Variants in DIP2C observed in about 807,000 individuals in gnomAD.
The protein encoded by DIP2C is DIP2 acetate--CoA ligase C (putative).
In DIP2C, 33 loss-of-function variants were observed where a neutral mutation model predicts 192.4. The observed-to-expected ratio is 0.17, with a 90% CI of 0.13 to 0.23. The LOEUF is 0.23. DIP2C is among the 10% of genes least tolerant of loss of function. DIP2C has a pLI of 1.00. For missense variants in DIP2C, 1,537 were observed against 2,110.1 expected (o/e 0.73, Z 5.32); for synonymous variants, 979 against 864.1 (o/e 1.13, Z -2.33).
chr10:601,579 C>G (rs1852076116), intron 1 of DIP2C, among the ~76,000 whole-genome samples: 1 of 152,230 alleles, frequency 6.6e-6, no homozygotes, highest in African/African-American at 2.4e-5. Flanking sequence ...GCCTGGAATG[C>G]AGACTTGTGG....
At position 407,691 on chromosome 10, in the gene DIP2C, C is replaced by G. The variant is rs142384719; in HGVS notation, c.1149+1235G>C. ...TTCCCTGATCAAGGATGCTGAGCATCTTTTCATGTGTTTATCGGCCACTGC... is the reference window on the plus strand; with the variant it reads ...TTCCCTGATCAAGGATGCTGAGCATGTTTTCATGTGTTTATCGGCCACTGC... On this transcript the variant is annotated intron_variant, in intron 9 of 36. Coordinates refer to ENST00000280886, the MANE Select transcript of DIP2C (RefSeq NM_014974.3). 5.2e-4 allele frequency among the ~76,000 whole-genome samples: 79 copies of G among 152,292 alleles called. 1 individual carries two copies. In the East Asian group the frequency reaches 0.01, roughly 20 times the overall value.
chr10:361,998 G>T (rs1243824863), intron 22 of DIP2C, among the ~76,000 whole-genome samples: 1 of 151,940 alleles, frequency 6.6e-6, no homozygotes, highest in African/African-American at 2.4e-5. Context: ...GAACAGCCGT[G>T]TGTGGGAGGG....
At chr10:516,134 C>T (rs1448564764) in intron 1 of DIP2C, among the ~76,000 whole-genome samples, 1 of 149,286 alleles carries the variant, frequency 6.7e-6, no homozygotes, top group Non-Finnish European at 1.5e-5. Context: ...TACCTTTGTC[C>T]TCCATCCTGT....
In DIP2C at chr10:643,237, G is replaced by A. The variant is rs556186200; in HGVS notation, c.85+46257C>T. ...CGTCTCAAAAAAAAAAAAACAGGCC[G>A]GGCACGGTGGCTCAGGCCTGTAATC... On this transcript the variant is annotated intron_variant, in intron 1 of 36. Coordinates refer to ENST00000280886, the MANE Select transcript of DIP2C (RefSeq NM_014974.3). 1.9e-3 allele frequency among the ~76,000 whole-genome samples: 277 copies of A among 142,064 alleles called. 2 individuals carry two copies. The highest frequency in any genetic ancestry group is 9.4e-3 in the Middle Eastern group (2 of 212). The allele number at this position is 142,064 out of a possible 152,430, so 93.2% of individuals were successfully genotyped here.
chr10:547,785 C>T (rs1317066483), intron 1 of DIP2C, among the ~76,000 whole-genome samples: 3 of 152,146 alleles, frequency 2.0e-5, no homozygotes, highest in Non-Finnish European at 2.9e-5. Context: ...ATCTCAGTCA[C>T]GTCCCCTCTC....
chr10:485,157 C>A (rs993550683), intron 2 of DIP2C, among the ~76,000 whole-genome samples: 2 of 152,234 alleles, frequency 1.3e-5, no homozygotes, highest in Non-Finnish European at 2.9e-5. Context: ...AAGCGAGGAA[C>A]CGCTTCTGTT....
intron 1 of DIP2C, among the ~76,000 whole-genome samples, chr10:548,212 C>A (rs1040168391): frequency 1.7e-5 from 2 of 115,592 alleles, no homozygotes; most frequent in South Asian, 4.2e-4. Flanking sequence ...TGCCCCACCC[C>A]CCCCCCCACA....
chr10:598,496 G>A (rs866296996), intron 1 of DIP2C, among the ~76,000 whole-genome samples: 2 of 152,124 alleles, frequency 1.3e-5, no homozygotes, highest in Non-Finnish European at 1.5e-5. Flanking sequence ...CCGAGGCCTC[G>A]CGACAGGGGT....
At chr10:560,454 G>T (rs1033439469) in intron 1 of DIP2C, among the ~76,000 whole-genome samples, 1 of 152,172 alleles carries the variant, frequency 6.6e-6, no homozygotes, top group African/African-American at 2.4e-5. Context: ...GTCACTTAAT[G>T]TATCAGCACA....
chr10:419,983 T>G (rs775155851), intron 5 of DIP2C, among the ~76,000 whole-genome samples: 8 of 152,218 alleles, frequency 5.3e-5, no homozygotes, highest in Non-Finnish European at 1.2e-4. Context: ...AGCAGCCCAC[T>G]GATGACGCCC....
At chr10:338,573 GGT>G (rs1472835800) in intron 29 of DIP2C, among the ~76,000 whole-genome samples, 1 of 152,114 alleles carries the variant, frequency 6.6e-6, no homozygotes, top group Non-Finnish European at 1.5e-5. Flanking sequence ...CTGCGGACTG[GGT>G]GTGTCAGGCT....
chr10:549,118 A>C (rs914817820), intron 1 of DIP2C, among the ~76,000 whole-genome samples: 1 of 152,174 alleles, frequency 6.6e-6, no homozygotes, highest in Non-Finnish European at 1.5e-5. Context: ...CTCATCAAGG[A>C]ATCCCTACAA....
chr10:435,067 A>G (rs921197660), intron 4 of DIP2C, among the ~76,000 whole-genome samples: 4 of 152,184 alleles, frequency 2.6e-5, no homozygotes, highest in Middle Eastern at 3.2e-3. Flanking sequence ...ATTAATGTTA[A>G]AAATACTTCT....
chr10:424,615 C>T (rs542848006), intron 4 of DIP2C, among the ~76,000 whole-genome samples: 16 of 152,266 alleles, frequency 1.1e-4, no homozygotes, highest in African/African-American at 3.9e-4. Flanking sequence ...TTACCTGCCT[C>T]AGCCTCCCAA....
chr10:366,551 C>G, intron 18 of DIP2C, 140 bp from the exon 19 acceptor site: 2 of 1,180,096 alleles, frequency 1.7e-6, no homozygotes, highest in South Asian at 3.1e-5. Flanking sequence ...GGTAGTCAGC[C>G]AGGCACTCAT....
chr10:367,223 C>T (rs532861963), intron 18 of DIP2C, among the ~76,000 whole-genome samples: 275 of 152,300 alleles, frequency 1.8e-3, no homozygotes, highest in Non-Finnish European at 3.2e-3. Context: ...CGAGACCATC[C>T]TGGCTAACAT....
In DIP2C at chr10:341,173, T is replaced by C. The variant is rs74337172; in HGVS notation, c.3584+26A>G. On this transcript the variant is annotated intron_variant, in intron 29 of 36. Coordinates refer to ENST00000280886, the MANE Select transcript of DIP2C (RefSeq NM_014974.3). The stretch of plus-strand genomic sequence containing the variant: ...GAGGAAGGTGCATGATTTTTTTTAA[T>C]GTAAAGATATAGAGAGGCATCTTAC... The C allele has an allele frequency of 1.1e-3, 1,785 of 1,613,646 alleles. 19 individuals are homozygous for C. In the East Asian group the frequency reaches 0.013, roughly 11 times the overall value.
At chr10:639,407 G>A (rs1344876533) in intron 1 of DIP2C, among the ~76,000 whole-genome samples, 3 of 144,912 alleles carry the variant, frequency 2.1e-5, no homozygotes, top group African/African-American at 5.1e-5. Flanking sequence ...GGAGAGTGCT[G>A]TCCGGCTCAC....
chr10:616,076 T>C (rs1853453743), intron 1 of DIP2C, among the ~76,000 whole-genome samples: 1 of 152,178 alleles, frequency 6.6e-6, no homozygotes, highest in Non-Finnish European at 1.5e-5. Context: ...CCTCCTTGAG[T>C]GTAATGACTC....
Sources: allele counts gnomAD v4.1 joint callset (sites outside exome capture counted in the v4.1 genomes callset), GRCh38; gene constraint gnomAD v4.1.1; transcripts MANE v1.5; gene names NCBI Gene and HGNC (gene_info 2026-07-23, HGNC 2026-07-21).